Variants in PRKAA1 observed in about 807,000 individuals in gnomAD.
PRKAA1 encodes 5'-AMP-activated protein kinase catalytic subunit alpha-1.
Under a neutral mutation model 56.9 loss-of-function variants are expected in PRKAA1, and 23 were observed. The observed-to-expected ratio is 0.40, with a 90% CI of 0.29 to 0.57. The LOEUF is 0.57. Among genes scored for constraint, PRKAA1 ranks in the 20% least tolerant of loss-of-function variants. PRKAA1 has a pLI of 0.39. For synonymous variants in PRKAA1, 226 were observed against 227.0 expected (o/e 1.00, Z 0.04); for missense variants, 413 against 679.7 (o/e 0.61, Z 4.36).
intron 2 of PRKAA1, 102 bp from the exon 3 acceptor site, chr5:40,775,605 A>C (rs1743965563): frequency 1.1e-6 from 1 of 925,154 alleles, no homozygotes; most frequent in African/African-American, 1.7e-5. Flanking sequence ...CTAGGCTAGG[A>C]GCTAGAAAAA....
chr5:40,775,055 T>C, intron 3 of PRKAA1: 1 of 1,018,672 alleles, frequency 9.8e-7, no homozygotes, highest in East Asian at 2.4e-5. Flanking sequence ...ATAATATATT[T>C]TGTAACGATT....
intron 1 of PRKAA1, among the ~76,000 whole-genome samples, chr5:40,788,135 T>C (rs1033610976): frequency 6.6e-6 from 1 of 152,174 alleles, no homozygotes; most frequent in African/African-American, 2.4e-5. Context: ...TACAAACCTA[T>C]AGTAATTAAA....
At chr5:40,775,272 T>C (rs1416825343) in intron 3 of PRKAA1, 138 bp downstream of exon 3, 2 of 728,432 alleles carry the variant, frequency 2.7e-6, no homozygotes, top group Non-Finnish European at 4.7e-6. Flanking sequence ...CTACATAGTT[T>C]ATGATTCTAA....
chr5:40,768,648 A>G, intron 5 of PRKAA1: 1 of 1,166,968 alleles, frequency 8.6e-7, no homozygotes, highest in Non-Finnish European at 1.1e-6. Flanking sequence ...GCTTATAAAA[A>G]TAGAAAATAC....
intron 1 of PRKAA1, among the ~76,000 whole-genome samples, chr5:40,780,120 A>G (rs1221935956): frequency 6.6e-6 from 1 of 152,186 alleles, no homozygotes; most frequent in Non-Finnish European, 1.5e-5. Flanking sequence ...ACTTGTGTTT[A>G]GACTAGAGCG....
intron 1 of PRKAA1, among the ~76,000 whole-genome samples, chr5:40,786,391 C>T (rs1420492146): frequency 1.3e-5 from 2 of 152,002 alleles, no homozygotes; most frequent in Non-Finnish European, 2.9e-5. Context: ...GAATAATTTT[C>T]TGTTGCTGTA....
intron 3 of PRKAA1, chr5:40,775,062 G>A (rs987435022): frequency 1.6e-5 from 16 of 972,564 alleles, no homozygotes; most frequent in African/African-American, 1.7e-5. Context: ...ATTTTGTAAC[G>A]ATTAATTACA....
intron 4 of PRKAA1, among the ~76,000 whole-genome samples, chr5:40,769,878 T>TAAAA (rs3071208): frequency 1.5e-4 from 16 of 109,898 alleles, no homozygotes; most frequent in Middle Eastern, 6.1e-3. Context: ...TCTGATTCTT[T>TAAAA]AAAAAAAAAA....
chr5:40,796,197 T>C (rs552433798), intron 1 of PRKAA1, among the ~76,000 whole-genome samples: 20 of 151,920 alleles, frequency 1.3e-4, no homozygotes, highest in Non-Finnish European at 2.6e-4. Flanking sequence ...GCGCCTGTAA[T>C]TCCAGCTACT....
intron 3 of PRKAA1, chr5:40,774,988 G>C (rs1432538713): frequency 6.3e-7 from 1 of 1,585,390 alleles, no homozygotes; most frequent in South Asian, 1.1e-5. Context: ...ACCAAAAAAT[G>C]AATGCAATTT....
At chr5:40,779,873 A>G (rs1167623000) in intron 1 of PRKAA1, among the ~76,000 whole-genome samples, 2 of 151,848 alleles carry the variant, frequency 1.3e-5, no homozygotes, top group African/African-American at 4.8e-5. Flanking sequence ...GTGATAATGC[A>G]CTTTCATGGA....
intron 1 of PRKAA1, among the ~76,000 whole-genome samples, chr5:40,788,299 G>A (rs545117408): frequency 3.3e-5 from 5 of 152,134 alleles, no homozygotes; most frequent in Non-Finnish European, 5.9e-5. Flanking sequence ...AATGTCATTT[G>A]GAAAACTGGA....
rs188267231 is a variant in PRKAA1 at position 40,787,540 on chromosome 5, A to G, written c.128-9954T>C. 8.9e-4 allele frequency among the ~76,000 whole-genome samples: 135 copies of G among 152,220 alleles called. 1 individual carries two copies. Among genetic ancestry groups the G allele is most frequent in the African/African-American group, 3.2e-3 (133 of 41,552 alleles). The stretch of plus-strand genomic sequence containing the variant: ...AAGATACAAATTATTTTTTAAATGT[A>G]TATCGTGACATCATGAACATAAAAC... On this transcript the variant is annotated intron_variant, in intron 1 of 8. Coordinates refer to ENST00000397128, the MANE Select transcript of PRKAA1 (RefSeq NM_006251.6).
In PRKAA1 at chr5:40,775,333, G is replaced by A. The variant is rs1018250992; in HGVS notation, c.363+77C>T. The A allele has an allele frequency of 1.8e-5, 20 of 1,125,674 alleles. No homozygotes were observed. The African/African-American group carries it at 2.5e-4, about 14-fold the overall frequency. The allele number at this position is 1,125,674 out of a possible 1,614,324, so 69.7% of individuals were successfully genotyped here. A position where few individuals can be genotyped will look rare whatever the true frequency, so the allele number is the denominator to read the frequency against. On this transcript the variant is annotated intron_variant, in intron 3 of 8. Transcript: ENST00000397128. ...TTATTAAATAGACCTCTTAAAATTGGTTGCTGACATTTTGATGCTAGTAAA... is the reference window on the plus strand; with the variant it reads ...TTATTAAATAGACCTCTTAAAATTGATTGCTGACATTTTGATGCTAGTAAA...
chr5:40,763,284 T>G (rs1743280208), intron 8 of PRKAA1, among the ~76,000 whole-genome samples: 1 of 152,162 alleles, frequency 6.6e-6, no homozygotes, highest in African/African-American at 2.4e-5. Flanking sequence ...AAGAGCCCAG[T>G]AAACCAACAA....
At position 40,764,904 on chromosome 5, in the gene PRKAA1, G is replaced by A. The variant is rs866107019; in HGVS notation, c.1156C>T (p.Arg386Cys). 3.1e-6 allele frequency: 5 copies of A among 1,613,978 alleles called. No homozygotes were observed. The highest frequency in any genetic ancestry group is 2.2e-5 in the East Asian group (1 of 44,894). ...GGATTTAATTCATCAAGGGTATGGC[G>A]TGCCCTTGGTGTTTCAGCAACCAAG... Reference protein sequence around the residue: ...PFLVAETPRARHTLDELNPQK... With the variant: ...PFLVAETPRACHTLDELNPQK... The change falls in exon 7 of 9, where the codon CGC (arginine) becomes TGC (cysteine). Residue 386 changes from arginine (R) to cysteine (C), a missense_variant. Arg to Cys is a radical substitution (Grantham distance 180). Transcript: ENST00000397128.
At chr5:40,764,726 T>C (rs1743345016) in intron 7 of PRKAA1, 26 bp downstream of exon 7, 1 of 1,604,068 alleles carries the variant, frequency 6.2e-7, no homozygotes, top group Non-Finnish European at 8.5e-7. Context: ...AATATGCTAA[T>C]AATCAAAATG....
At chr5:40,785,912 G>C (rs577768200) in intron 1 of PRKAA1, among the ~76,000 whole-genome samples, 1 of 151,922 alleles carries the variant, frequency 6.6e-6, no homozygotes, top group Admixed American at 6.6e-5. Flanking sequence ...GACAGAGGCA[G>C]AGACTGGAGT....
chr5:40,770,978 AT>A (rs1743720129), intron 4 of PRKAA1, among the ~76,000 whole-genome samples: 2 of 152,104 alleles, frequency 1.3e-5, no homozygotes, highest in South Asian at 4.1e-4. Flanking sequence ...TTTTAAATAA[AT>A]TTTTTTAATT....
Sources: gnomAD v4.1 joint callset for allele counts (sites outside exome capture counted in the v4.1 genomes callset) on GRCh38, gnomAD v4.1.1 for gene constraint, MANE v1.5 for transcripts, NCBI Gene and HGNC (gene_info 2026-07-23, HGNC 2026-07-21) for gene names.